The following CBX5 variants were observed in gnomAD, a reference collection of about 807,000 sequenced individuals.
CBX5 encodes chromobox protein homolog 5.
In CBX5, 7 loss-of-function variants were observed where a neutral mutation model predicts 20.7. The ratio of observed to expected loss-of-function variants is 0.34; its 90% CI spans 0.19 to 0.63. The LOEUF is 0.63. Among genes scored for constraint, CBX5 ranks in the 30% least tolerant of loss-of-function variants. The probability of loss-of-function intolerance (pLI) is 0.75; values close to 1 mark genes in which losing one functional copy is unlikely to be tolerated. For missense variants in CBX5, 110 were observed against 224.1 expected (o/e 0.49, Z 3.25); for synonymous variants, 78 against 77.0 (o/e 1.01, Z -0.07).
At chr12:54,271,134 A>T (rs956457212) in intron 1 of CBX5, among the ~76,000 whole-genome samples, 1 of 152,178 alleles carries the variant, frequency 6.6e-6, no homozygotes, top group Non-Finnish European at 1.5e-5. Context: ...TGTCTGTGTA[A>T]AAGTTCCATG....
Position 54,257,522 on chromosome 12 carries a change from G to C in CBX5, c.129C>G (p.Gly43=), listed in dbSNP as rs1565871119. ...GGAAAAAAGGAACTTACTCAGAAAA[G>C]CCTTTCCACTTCAGTAGATATTCCA... The part of the protein sequence containing the change: ...GQVEYLLKWK[G]FSEEHNTWEP... The change falls in exon 2 of 5, where the codon GGC becomes GGG. Residue 43 remains glycine, a synonymous_variant. Coordinates refer to ENST00000209875, the MANE Select transcript of CBX5 (RefSeq NM_012117.3). 1 of 1,614,114 alleles carries C rather than the reference G, an allele frequency of 6.2e-7. No homozygotes were observed. Among genetic ancestry groups the C allele is most frequent in the Non-Finnish European group, 8.5e-7 (1 of 1,180,010 alleles).
chr12:54,274,708 G>A (rs1368325168), intron 1 of CBX5, among the ~76,000 whole-genome samples: 5 of 152,132 alleles, frequency 3.3e-5, no homozygotes, highest in African/African-American at 9.7e-5. Flanking sequence ...GGGAGGCCGA[G>A]GCGGTTGGAT....
At chr12:54,242,256 T>A (rs1943683878) in intron 4 of CBX5, among the ~76,000 whole-genome samples, 1 of 152,242 alleles carries the variant, frequency 6.6e-6, no homozygotes. Context: ...CCGGGCACGG[T>A]GGCTCACACC....
intron 1 of CBX5, among the ~76,000 whole-genome samples, chr12:54,275,453 G>A (rs545426385): frequency 1.6e-4 from 25 of 152,094 alleles, no homozygotes; most frequent in African/African-American, 5.8e-4. Context: ...GTGTTAGCCA[G>A]GATGGTCTCA....
Position 54,245,979 on chromosome 12 carries a change from G to A in CBX5, c.425+136C>T, listed in dbSNP as rs925597121. On this transcript the variant is annotated intron_variant, in intron 4 of 4. Coordinates refer to ENST00000209875, the MANE Select transcript of CBX5 (RefSeq NM_012117.3). ...CATGGGCAACAAAGGGCGAAACACT[G>A]TCTCAAAAAAAGAAAGATCTCTGAC... The A allele has an allele frequency of 2.5e-5, 17 of 667,634 alleles. No individual in the cohort carries two copies. The Admixed American group carries it at 3.8e-4, about 15-fold the overall frequency. 41.4% of individuals were successfully genotyped at this position (667,634 alleles called of 1,614,324 possible). A position where few individuals can be genotyped will look rare whatever the true frequency, so the allele number is the denominator to read the frequency against.
At position 54,261,303 on chromosome 12, in the gene CBX5, C is replaced by CT. The variant is rs372027623; in HGVS notation, c.-42-3612dup. Reference sequence around the variant, plus strand: ...CAAAGTAGAAATTTTTTTCTTTTTTCTTTTTTTTTTTTGAGACGGAGTCTC... The same window carrying CT: ...CAAAGTAGAAATTTTTTTCTTTTTTCTTTTTTTTTTTTTGAGACGGAGTCTC... On this transcript the variant is annotated intron_variant, in intron 1 of 4. Transcript: ENST00000209875. 4.0e-3 allele frequency among the ~76,000 whole-genome samples: 570 copies of CT among 143,464 alleles called. 1 individual carries two copies. Among genetic ancestry groups the CT allele is most frequent in the African/African-American group, 7.7e-3 (306 of 39,632 alleles). 94.1% of individuals were successfully genotyped at this position (143,464 alleles called of 152,430 possible).
intron 1 of CBX5, among the ~76,000 whole-genome samples, chr12:54,271,008 AT>A (rs1201298353): frequency 1.3e-5 from 2 of 152,182 alleles, no homozygotes; most frequent in African/African-American, 4.8e-5. Context: ...CAGTGAGTTG[AT>A]TGTGTCACTG....
intron 4 of CBX5, among the ~76,000 whole-genome samples, chr12:54,245,447 A>T (rs1172114375): frequency 6.6e-6 from 1 of 152,194 alleles, no homozygotes; most frequent in African/African-American, 2.4e-5. Context: ...CTGACATTCC[A>T]GGAGTTCAAG....
chr12:54,277,299 G>A (rs1359885992), intron 1 of CBX5: 1 of 152,180 alleles, frequency 6.6e-6, no homozygotes, highest in Non-Finnish European at 1.5e-5. Flanking sequence ...TGCTTCCTGG[G>A]TTCAAGCAAT....
intron 2 of CBX5, among the ~76,000 whole-genome samples, chr12:54,257,160 TAAGCAC>T (rs1943869141): frequency 6.6e-6 from 1 of 152,204 alleles, no homozygotes; most frequent in South Asian, 2.1e-4. Flanking sequence ...CCTGGCCTTA[TAAGCAC>T]TACTGCTTAT....
At chr12:54,243,813 G>C (rs1478035005) in intron 4 of CBX5, among the ~76,000 whole-genome samples, 30 of 151,692 alleles carry the variant, frequency 2.0e-4, no homozygotes. Context: ...AGGTTGCAGT[G>C]AGCCGAGATG....
At chr12:54,251,262 C>T (rs1464111065) in intron 3 of CBX5, among the ~76,000 whole-genome samples, 1 of 152,042 alleles carries the variant, frequency 6.6e-6, no homozygotes, top group Non-Finnish European at 1.5e-5. Context: ...AGTTCAAGAC[C>T]AGCCTGACCA....
chr12:54,251,968 T>C (rs1943809009), intron 3 of CBX5, 73 bp downstream of exon 3: 1 of 1,320,780 alleles, frequency 7.6e-7, no homozygotes, highest in African/African-American at 1.5e-5. Context: ...AACCAAAATA[T>C]GATACTTTTA....
At chr12:54,244,978 G>A (rs528526343) in intron 4 of CBX5, among the ~76,000 whole-genome samples, 1 of 151,584 alleles carries the variant, frequency 6.6e-6, no homozygotes, top group South Asian at 2.1e-4. Flanking sequence ...GTGTAAACAA[G>A]TGGTTAAGTC....
chr12:54,231,526 GCT>G lies in CBX5; in HGVS notation c.*10227_*10228del, dbSNP rs1358994237. 6.5e-6 allele frequency: 1 copy of G among 154,602 alleles called. No homozygotes were observed. Among genetic ancestry groups the G allele is most frequent in the Non-Finnish European group, 1.5e-5 (1 of 68,096 alleles). 9.6% of individuals were successfully genotyped at this position (154,602 alleles called of 1,614,324 possible). ...TGACCGCAAGGAGCCAGGACCTTGTGCTTTTTCATGGATTACAAATCTAGGGC... is the reference window on the plus strand; with the variant it reads ...TGACCGCAAGGAGCCAGGACCTTGTGTTTTCATGGATTACAAATCTAGGGC... On this transcript the variant is annotated 3_prime_UTR_variant, in exon 5 of 5. Coordinates refer to ENST00000209875, the MANE Select transcript of CBX5 (RefSeq NM_012117.3).
At chr12:54,277,860 G>A (rs1007276383) in intron 1 of CBX5, among the ~76,000 whole-genome samples, 63 of 152,046 alleles carry the variant, frequency 4.1e-4, no homozygotes, top group African/African-American at 1.4e-3. Context: ...TTTAGCAATG[G>A]GATCTTGTTG....
intron 1 of CBX5, chr12:54,273,086 A>G (rs1944025428): frequency 6.6e-6 from 1 of 152,232 alleles, no homozygotes. Flanking sequence ...CCTCCCCCAA[A>G]GAGATTCTTA....
Position 54,239,685 on chromosome 12 carries a change from A to G in CBX5, c.*2070T>C, listed in dbSNP as rs1445240849. 1 of 152,134 alleles carries G rather than the reference A, an allele frequency of 6.6e-6. No individual in the cohort carries two copies. Among genetic ancestry groups the G allele is most frequent in the East Asian group, 1.9e-4 (1 of 5,198 alleles). The allele number at this position is 152,134 out of a possible 1,614,324, so 9.4% of individuals were successfully genotyped here. On this transcript the variant is annotated 3_prime_UTR_variant, in exon 5 of 5. Coordinates refer to ENST00000209875, the MANE Select transcript of CBX5 (RefSeq NM_012117.3). ...GAATATAGAGATAAAACTCCCACCC[A>G]CTTGAGGTATGGTTTATGAGCTCTT...
intron 1 of CBX5, chr12:54,273,031 T>C (rs1482711012): frequency 6.6e-6 from 1 of 152,224 alleles, no homozygotes; most frequent in African/African-American, 2.4e-5. Flanking sequence ...CAAATCTATT[T>C]GGGTAGAGGT....
Sources: allele counts gnomAD v4.1 joint callset (sites outside exome capture counted in the v4.1 genomes callset), GRCh38; gene constraint gnomAD v4.1.1; transcripts MANE v1.5; gene names NCBI Gene and HGNC (gene_info 2026-07-23, HGNC 2026-07-21).